Variants in CPQ observed in about 807,000 individuals in gnomAD.
The protein encoded by CPQ is Ser-Met dipeptidase.
Under a neutral mutation model 45.7 loss-of-function variants are expected in CPQ, and 37 were observed. That is an observed-to-expected ratio of 0.81 (90% CI 0.62 to 1.07). CPQ has a LOEUF of 1.07. Ranked by LOEUF, CPQ falls within the 50% of genes least tolerant of loss-of-function variation. The probability of loss-of-function intolerance (pLI) is 0.00; values close to 1 mark genes in which losing one functional copy is unlikely to be tolerated. For synonymous variants in CPQ, 186 were observed against 205.8 expected (o/e 0.90, Z 0.82); for missense variants, 537 against 572.9 (o/e 0.94, Z 0.64).
At chr8:96,949,020 G>A (rs183169857) in intron 4 of CPQ, among the ~76,000 whole-genome samples, 2 of 151,940 alleles carry the variant, frequency 1.3e-5, no homozygotes, top group African/African-American at 4.8e-5. Flanking sequence ...CTTTCACCCT[G>A]TATGTCTCAC....
At chr8:96,714,237 A>G (rs1809648193) in intron 1 of CPQ, among the ~76,000 whole-genome samples, 1 of 152,096 alleles carries the variant, frequency 6.6e-6, no homozygotes, top group Non-Finnish European at 1.5e-5. Flanking sequence ...AGTTTTCCAA[A>G]CTTTTTGCTT....
At chr8:97,017,306 G>T (rs1417984816) in intron 5 of CPQ, among the ~76,000 whole-genome samples, 5 of 152,174 alleles carry the variant, frequency 3.3e-5, no homozygotes, top group African/African-American at 1.2e-4. Context: ...CCTCACAGGG[G>T]TCCTTGAGGA....
intron 6 of CPQ, among the ~76,000 whole-genome samples, chr8:97,044,497 C>T (rs1810196617): frequency 6.6e-6 from 1 of 152,240 alleles, no homozygotes; most frequent in Non-Finnish European, 1.5e-5. Context: ...CAAAGTCATT[C>T]TCCATCCAGC....
intron 2 of CPQ, among the ~76,000 whole-genome samples, chr8:96,792,206 G>T (rs1366070503): frequency 6.6e-6 from 1 of 152,176 alleles, no homozygotes; most frequent in African/African-American, 2.4e-5. Flanking sequence ...CCGAAGAGAT[G>T]AAGGACAAAC....
At chr8:96,899,596 CAA>C (rs1491164464) in intron 4 of CPQ, among the ~76,000 whole-genome samples, 2 of 151,954 alleles carry the variant, frequency 1.3e-5, no homozygotes, top group African/African-American at 2.4e-5. Context: ...GGAGTGGGAG[CAA>C]GAGAGAGAGA....
chr8:96,883,712 C>G (rs556989605), intron 4 of CPQ, among the ~76,000 whole-genome samples: 1 of 152,218 alleles, frequency 6.6e-6, no homozygotes, highest in African/African-American at 2.4e-5. Context: ...AAAAGAATGG[C>G]CTTATCCCCA....
intron 4 of CPQ, among the ~76,000 whole-genome samples, chr8:96,891,328 G>A (rs985187760): frequency 2.6e-5 from 4 of 152,072 alleles, no homozygotes; most frequent in South Asian, 2.1e-4. Flanking sequence ...CAATATAATC[G>A]ACCTGCCACC....
At chr8:96,757,885 T>C (rs1475732957) in intron 1 of CPQ, among the ~76,000 whole-genome samples, 5 of 152,212 alleles carry the variant, frequency 3.3e-5, no homozygotes, top group Admixed American at 1.3e-4. Context: ...ATCCAGGCTT[T>C]GTCTTTATTA....
rs116790268 is a variant in CPQ at position 97,105,275 on chromosome 8, T to G, written c.1256-37745T>G. On this transcript the variant is annotated intron_variant, in intron 7 of 7. Coordinates refer to ENST00000220763, the MANE Select transcript of CPQ (RefSeq NM_016134.4). ...ACATTCTACCTTCTGCCTCTGAATTTGACAACTCTGGATACCTCATCTAAG... is the reference window on the plus strand; with the variant it reads ...ACATTCTACCTTCTGCCTCTGAATTGGACAACTCTGGATACCTCATCTAAG... Among the ~76,000 whole-genome samples the G allele has an allele frequency of 9.2e-3, 1,396 of 152,358 alleles. 24 individuals are homozygous for G. The highest frequency in any genetic ancestry group is 0.03 in the African/African-American group (1,265 of 41,588).
intron 1 of CPQ, among the ~76,000 whole-genome samples, chr8:96,715,997 G>C (rs939233874): frequency 6.6e-6 from 1 of 152,230 alleles, no homozygotes; most frequent in Non-Finnish European, 1.5e-5. Flanking sequence ...CATAGACTCT[G>C]TGAGATCCTT....
chr8:96,768,214 T>G (rs1586392719), intron 1 of CPQ, among the ~76,000 whole-genome samples: 1 of 152,240 alleles, frequency 6.6e-6, no homozygotes, highest in East Asian at 1.9e-4. Context: ...ACAATAGTTT[T>G]ATTTTACATT....
chr8:96,946,776 A>G (rs866619613), intron 4 of CPQ, among the ~76,000 whole-genome samples: 5 of 152,056 alleles, frequency 3.3e-5, no homozygotes, highest in Admixed American at 2.0e-4. Flanking sequence ...GACCCTGTGG[A>G]CTTTGCTTCA....
At position 96,737,258 on chromosome 8, in the gene CPQ, A is replaced by C. The variant is rs866104252; in HGVS notation, c.-34-47606A>C. Among the ~76,000 whole-genome samples, 274 of 148,548 alleles carry C rather than the reference A, an allele frequency of 1.8e-3. 1 individual carries two copies. Among genetic ancestry groups the C allele is most frequent in the African/African-American group, 6.4e-3 (259 of 40,474 alleles). ...ACACACACACACACACACACACAAAAAAAAACTAATAGGATATATATATGT... is the reference window on the plus strand; with the variant it reads ...ACACACACACACACACACACACAAACAAAAACTAATAGGATATATATATGT... On this transcript the variant is annotated intron_variant, in intron 1 of 7. Coordinates refer to ENST00000220763, the MANE Select transcript of CPQ (RefSeq NM_016134.4).
At chr8:97,040,477 C>G (rs556199432) in intron 6 of CPQ, among the ~76,000 whole-genome samples, 16 of 152,172 alleles carry the variant, frequency 1.1e-4, no homozygotes, top group Non-Finnish European at 2.2e-4. Flanking sequence ...TGCAGAAGCT[C>G]TTTAGTTTAA....
At chr8:96,699,565 T>C (rs1809428896) in intron 1 of CPQ, among the ~76,000 whole-genome samples, 1 of 152,168 alleles carries the variant, frequency 6.6e-6, no homozygotes, top group African/African-American at 2.4e-5. Flanking sequence ...ATTATACACA[T>C]TGTATGCCTT....
chr8:96,965,198 A>G (rs1050357689), intron 4 of CPQ, among the ~76,000 whole-genome samples: 3 of 152,064 alleles, frequency 2.0e-5, no homozygotes, highest in East Asian at 3.9e-4. Context: ...TAAATAAATT[A>G]TTGTTCTCAT....
At chr8:96,924,868 A>G (rs1485572731) in intron 4 of CPQ, among the ~76,000 whole-genome samples, 1 of 152,180 alleles carries the variant, frequency 6.6e-6, no homozygotes, top group Non-Finnish European at 1.5e-5. Context: ...CGTTCAAAAT[A>G]TTTTCACTAA....
chr8:96,689,371 G>A (rs948669559), intron 1 of CPQ, among the ~76,000 whole-genome samples: 1 of 152,080 alleles, frequency 6.6e-6, no homozygotes, highest in South Asian at 2.1e-4. Context: ...ATTACACATT[G>A]TTACATGTCA....
chr8:96,812,132 G>A (rs2130829945), intron 2 of CPQ, among the ~76,000 whole-genome samples: 1 of 152,096 alleles, frequency 6.6e-6, no homozygotes, highest in East Asian at 1.9e-4. Context: ...TTCTAATCTA[G>A]CAAATTTGCA....
Sources: allele counts gnomAD v4.1 joint callset (sites outside exome capture counted in the v4.1 genomes callset), GRCh38; gene constraint gnomAD v4.1.1; transcripts MANE v1.5; gene names NCBI Gene and HGNC (gene_info 2026-07-23, HGNC 2026-07-21).